The following GABRB1 variants were observed in gnomAD, a reference collection of about 807,000 sequenced individuals.
GABRB1 encodes gamma-aminobutyric acid type A receptor subunit beta1.
In GABRB1, 17 loss-of-function variants were observed where a neutral mutation model predicts 51.6. The ratio of observed to expected loss-of-function variants is 0.33; its 90% CI spans 0.23 to 0.49. The LOEUF (loss-of-function observed/expected upper bound fraction) is 0.49, where lower values mean the gene tolerates loss of function less well. Ranked by LOEUF, GABRB1 falls within the 20% of genes least tolerant of loss-of-function variation. The pLI is 0.99. For synonymous variants in GABRB1, 247 were observed against 218.9 expected, an observed-to-expected ratio of 1.13 and a Z score of -1.14; for missense variants, 410 against 600.6, an observed-to-expected ratio of 0.68 and a Z score of 3.32.
chr4:47,364,569 A>G (rs1248058747), intron 5 of GABRB1, among the ~76,000 whole-genome samples: 3 of 151,872 alleles, frequency 2.0e-5, no homozygotes, highest in Non-Finnish European at 4.4e-5. Context: ...GGTTCAACAA[A>G]GATAAAACTT....
intron 3 of GABRB1, chr4:47,033,039 G>C (rs189730482): frequency 2.7e-4 from 76 of 276,484 alleles, no homozygotes; most frequent in African/African-American, 1.6e-3. Flanking sequence ...GTCCATGTTT[G>C]CTAGTAGGAA....
At position 47,406,776 on chromosome 4, in the gene GABRB1, G is replaced by T. The variant is rs767463256; in HGVS notation, c.930G>T (p.Leu310=). The T allele has an allele frequency of 6.2e-7, 1 of 1,614,166 alleles. No homozygotes were observed. The highest frequency in any genetic ancestry group is 1.1e-5 in the South Asian group (1 of 91,082). The change falls in exon 8 of 9, where the codon CTG becomes CTT. Residue 310 remains leucine, a synonymous_variant. Transcript: ENST00000295454. ...IPYVKAIDIY[L]MGCFVFVFLA... is the part of the protein sequence containing the mutation. ...ATGTCAAAGCGATTGATATTTATCTGATGGGTTGCTTTGTGTTTGTGTTCC... is the reference window on the plus strand; with the variant it reads ...ATGTCAAAGCGATTGATATTTATCTTATGGGTTGCTTTGTGTTTGTGTTCC...
chr4:47,250,193 C>A (rs1350269821), intron 4 of GABRB1, among the ~76,000 whole-genome samples: 1 of 151,888 alleles, frequency 6.6e-6, no homozygotes, highest in African/African-American at 2.4e-5. Flanking sequence ...AAGATTGTAT[C>A]TTTCCTTCAT....
At chr4:47,079,207 C>G (rs1230456895) in intron 3 of GABRB1, among the ~76,000 whole-genome samples, 1 of 151,998 alleles carries the variant, frequency 6.6e-6, no homozygotes, top group Non-Finnish European at 1.5e-5. Context: ...CTTCTTGTAC[C>G]TCTGGTAGAA....
At chr4:47,137,941 G>A (rs1285304500) in intron 3 of GABRB1, among the ~76,000 whole-genome samples, 2 of 152,102 alleles carry the variant, frequency 1.3e-5, no homozygotes, top group Non-Finnish European at 2.9e-5. Flanking sequence ...CACAGAAATA[G>A]AAATATTAAT....
chr4:47,123,695 T>TTA (rs1302847255), intron 3 of GABRB1, among the ~76,000 whole-genome samples: 2 of 50,332 alleles, frequency 4.0e-5, no homozygotes, highest in Non-Finnish European at 6.6e-5. Flanking sequence ...ATATGATATA[T>TTA]TATATATATA....
At chr4:47,347,384 T>C (rs1224797228) in intron 5 of GABRB1, among the ~76,000 whole-genome samples, 1 of 152,190 alleles carries the variant, frequency 6.6e-6, no homozygotes, top group Non-Finnish European at 1.5e-5. Flanking sequence ...AGGGTATCCT[T>C]ATTTTATATT....
chr4:46,994,768 A>G (rs1179625227), intron 1 of GABRB1, among the ~76,000 whole-genome samples: 1 of 152,224 alleles, frequency 6.6e-6, no homozygotes, highest in Non-Finnish European at 1.5e-5. Flanking sequence ...TGATGGATCA[A>G]TGAGCTAAGT....
Position 47,403,417 on chromosome 4 carries a change from A to G in GABRB1, c.644A>G (p.Asp215Gly), listed in dbSNP as rs1365723905. 1 of 1,613,970 alleles carries G rather than the reference A, an allele frequency of 6.2e-7. No homozygotes were observed. The highest frequency in any genetic ancestry group is 8.5e-7 in the Non-Finnish European group (1 of 1,179,960). Reference sequence around the variant, plus strand: ...GAACTTCCTCAATTTTCAATTGTTGACTACAAGATGGTGTCTAAGAAGGTG... The same window carrying G: ...GAACTTCCTCAATTTTCAATTGTTGGCTACAAGATGGTGTCTAAGAAGGTG... The part of the protein sequence containing the change: ...KIELPQFSIV[D>G]YKMVSKKVEF... The change falls in exon 6 of 9, where the codon GAC (aspartate) becomes GGC (glycine). Residue 215 changes from aspartate to glycine, a missense_variant. Around this residue, in one of 5 missense-constraint regions of GABRB1, gnomAD observed 36 missense variants for 39.7 expected, o/e 0.91. Transcript: ENST00000295454.
At chr4:47,331,922 C>T (rs1725500030) in intron 5 of GABRB1, among the ~76,000 whole-genome samples, 1 of 152,118 alleles carries the variant, frequency 6.6e-6, no homozygotes, top group Admixed American at 6.5e-5. Flanking sequence ...TACGATTTAG[C>T]CCTTATAGTC....
intron 4 of GABRB1, among the ~76,000 whole-genome samples, chr4:47,307,701 C>G (rs933830956): frequency 6.6e-6 from 1 of 151,834 alleles, no homozygotes; most frequent in African/African-American, 2.4e-5. Flanking sequence ...ACTTTTCATT[C>G]CTGCCTGATA....
intron 4 of GABRB1, among the ~76,000 whole-genome samples, chr4:47,222,990 T>G (rs565260947): frequency 2.0e-5 from 3 of 152,264 alleles, no homozygotes; most frequent in Admixed American, 2.0e-4. Context: ...AATGACACCT[T>G]GCCATCTAAG....
At chr4:47,305,109 C>T (rs1369851121) in intron 4 of GABRB1, among the ~76,000 whole-genome samples, 3 of 152,058 alleles carry the variant, frequency 2.0e-5, no homozygotes, top group South Asian at 2.1e-4. Context: ...GAAGTAGGAC[C>T]TTAACCCATG....
intron 5 of GABRB1, among the ~76,000 whole-genome samples, chr4:47,398,634 G>C (rs1426660273): frequency 6.6e-6 from 1 of 152,222 alleles, no homozygotes; most frequent in African/African-American, 2.4e-5. Flanking sequence ...GCCCAGGATG[G>C]AGTGCAGTGG....
chr4:47,052,816 A>G lies in GABRB1; in HGVS notation c.240+20332A>G, dbSNP rs78075473. On this transcript the variant is annotated intron_variant, in intron 3 of 8. Coordinates refer to ENST00000295454, the MANE Select transcript of GABRB1 (RefSeq NM_000812.4). ...TGCGGATCAGCTTCTGAAGCATCCA[A>G]TGGATCTAAAAACTGAAAGAAGGCA... Among the ~76,000 whole-genome samples, 795 of 152,300 alleles carry G rather than the reference A, an allele frequency of 5.2e-3. 7 individuals are homozygous for G. The highest frequency in any genetic ancestry group is 0.018 in the African/African-American group (750 of 41,560).
intron 8 of GABRB1, among the ~76,000 whole-genome samples, chr4:47,423,884 C>T (rs1729174590): frequency 6.6e-6 from 1 of 152,080 alleles, no homozygotes; most frequent in Non-Finnish European, 1.5e-5. Flanking sequence ...GATTCAATTA[C>T]TGAAATACTG....
chr4:47,059,560 C>A (rs1179205439), intron 3 of GABRB1, among the ~76,000 whole-genome samples: 2 of 152,018 alleles, frequency 1.3e-5, no homozygotes, highest in African/African-American at 4.8e-5. Flanking sequence ...TATCTTGTAC[C>A]TAAAGACTTT....
intron 4 of GABRB1, among the ~76,000 whole-genome samples, chr4:47,262,187 A>G (rs1722467353): frequency 6.6e-6 from 1 of 151,834 alleles, no homozygotes; most frequent in African/African-American, 2.4e-5. Context: ...GCCAAAATTG[A>G]CAAATGGGAT....
intron 8 of GABRB1, among the ~76,000 whole-genome samples, chr4:47,413,766 A>G (rs1728832911): frequency 6.6e-6 from 1 of 152,182 alleles, no homozygotes; most frequent in Non-Finnish European, 1.5e-5. Context: ...CTGAAGCTTC[A>G]GGAGTGCTTG....
Sources: gnomAD v4.1 joint callset for allele counts (sites outside exome capture counted in the v4.1 genomes callset) on GRCh38, gnomAD v4.1.1 for gene constraint, gnomAD v4.1.1 regional missense constraint, MANE v1.5 for transcripts, NCBI Gene and HGNC (gene_info 2026-07-23, HGNC 2026-07-21) for gene names.